The following LRRC4C variants were observed in gnomAD, a reference collection of about 807,000 sequenced individuals.
LRRC4C encodes leucine rich repeat containing 4C.
A neutral mutation model predicts 33.6 loss-of-function variants in LRRC4C; 5 were observed. The observed-to-expected ratio is 0.15, with a 90% CI of 0.08 to 0.31. The LOEUF (loss-of-function observed/expected upper bound fraction) is 0.31, where lower values mean the gene tolerates loss of function less well. LRRC4C is among the 10% of genes least tolerant of loss of function. LRRC4C has a pLI of 1.00. For synonymous variants in LRRC4C, 329 were observed against 302.0 expected, an observed-to-expected ratio of 1.09 and a Z score of -0.93; for missense variants, 560 against 796.7, an observed-to-expected ratio of 0.70 and a Z score of 3.58.
chr11:40,214,132 C>T (rs75969260), intron 5 of LRRC4C, among the ~76,000 whole-genome samples: 9,728 of 152,140 alleles, frequency 0.064, 1,017 homozygotes, highest in African/African-American at 0.22. Flanking sequence ...GCCATGTTAG[C>T]TTCTGATTAA....
chr11:40,458,117 T>C (rs944420276), intron 3 of LRRC4C, among the ~76,000 whole-genome samples: 17 of 152,182 alleles, frequency 1.1e-4, no homozygotes, highest in African/African-American at 4.1e-4. Context: ...TATTATCTTT[T>C]CACTGGAATG....
intron 1 of LRRC4C, among the ~76,000 whole-genome samples, chr11:41,000,362 T>C (rs1283278027): frequency 6.6e-6 from 1 of 152,168 alleles, no homozygotes; most frequent in African/African-American, 2.4e-5. Context: ...TTATCAATTC[T>C]CTAGGTAAGT....
chr11:41,299,147 A>T (rs1235082308), intron 1 of LRRC4C, among the ~76,000 whole-genome samples: 1 of 152,138 alleles, frequency 6.6e-6, no homozygotes, highest in Non-Finnish European at 1.5e-5. Context: ...TATATACCTA[A>T]TAGTGGGATT....
intron 1 of LRRC4C, among the ~76,000 whole-genome samples, chr11:41,173,138 A>C (rs1210089136): frequency 6.6e-6 from 1 of 152,158 alleles, no homozygotes; most frequent in East Asian, 1.9e-4. Context: ...ATTTATTACA[A>C]ATGATCCAGT....
intron 3 of LRRC4C, among the ~76,000 whole-genome samples, chr11:40,346,223 T>G (rs1947123466): frequency 6.6e-6 from 1 of 152,122 alleles, no homozygotes; most frequent in Admixed American, 6.6e-5. Flanking sequence ...GAATATAAAT[T>G]GTTCTGTTAC....
intron 1 of LRRC4C, among the ~76,000 whole-genome samples, chr11:41,432,436 C>G (rs1480265695): frequency 6.6e-6 from 1 of 152,032 alleles, no homozygotes; most frequent in African/African-American, 2.4e-5. Context: ...AGGATTAAAG[C>G]AATGCTTTCC....
chr11:40,222,135 T>C (rs1864465779), intron 5 of LRRC4C, among the ~76,000 whole-genome samples: 1 of 152,336 alleles, frequency 6.6e-6, no homozygotes, highest in East Asian at 1.9e-4. Flanking sequence ...AACTCCATTG[T>C]ATAGTAACAA....
intron 3 of LRRC4C, among the ~76,000 whole-genome samples, chr11:40,519,606 T>C (rs1028350833): frequency 6.6e-6 from 1 of 152,326 alleles, no homozygotes; most frequent in South Asian, 2.1e-4. Context: ...TTTTATCTTC[T>C]ATTTAGATGA....
chr11:41,197,384 C>T (rs1336470411), intron 1 of LRRC4C, among the ~76,000 whole-genome samples: 1 of 151,956 alleles, frequency 6.6e-6, no homozygotes, highest in Admixed American at 6.6e-5. Context: ...GGCTCTGCAA[C>T]CTGGCTGGTA....
intron 1 of LRRC4C, among the ~76,000 whole-genome samples, chr11:41,234,564 G>A (rs372803104): frequency 1.4e-4 from 22 of 151,982 alleles, no homozygotes; most frequent in African/African-American, 4.6e-4. Flanking sequence ...TAAAATAAAC[G>A]ATGAAAAGTA....
intron 4 of LRRC4C, among the ~76,000 whole-genome samples, chr11:40,318,914 G>A (rs1945708521): frequency 6.6e-6 from 1 of 152,108 alleles, no homozygotes; most frequent in African/African-American, 2.4e-5. Context: ...ATAGGAAGGT[G>A]GAAAAAATTT....
At chr11:40,558,688 G>A (rs991695570) in intron 3 of LRRC4C, among the ~76,000 whole-genome samples, 2 of 152,080 alleles carry the variant, frequency 1.3e-5, no homozygotes, top group African/African-American at 4.8e-5. Context: ...TAGCCTAAAC[G>A]GACATGATTT....
At chr11:40,959,961 G>A (rs570228454) in intron 1 of LRRC4C, among the ~76,000 whole-genome samples, 3 of 151,790 alleles carry the variant, frequency 2.0e-5, no homozygotes, top group Non-Finnish European at 4.4e-5. Context: ...TACAATGTTA[G>A]ATGATAGTAA....
At chr11:41,162,799 C>A (rs2136038967) in intron 1 of LRRC4C, among the ~76,000 whole-genome samples, 1 of 152,226 alleles carries the variant, frequency 6.6e-6, no homozygotes, top group Non-Finnish European at 1.5e-5. Context: ...AATGTGAAGG[C>A]CTGGAACATT....
chr11:40,873,966 A>G (rs1049835584), intron 2 of LRRC4C, among the ~76,000 whole-genome samples: 3 of 152,222 alleles, frequency 2.0e-5, no homozygotes, highest in Non-Finnish European at 2.9e-5. Context: ...ATTGACATAC[A>G]GAGTAGATAT....
At chr11:40,125,938 C>G (rs1856190565) in intron 6 of LRRC4C, among the ~76,000 whole-genome samples, 2 of 151,944 alleles carry the variant, frequency 1.3e-5, no homozygotes, top group African/African-American at 4.8e-5. Flanking sequence ...CTTTCTCCAC[C>G]CCTTATGCAG....
intron 3 of LRRC4C, among the ~76,000 whole-genome samples, chr11:40,427,653 C>T (rs918840401): frequency 6.6e-6 from 1 of 151,958 alleles, no homozygotes; most frequent in Non-Finnish European, 1.5e-5. Flanking sequence ...CATGGTGAAG[C>T]CCTGTCTCTA....
intron 1 of LRRC4C, among the ~76,000 whole-genome samples, chr11:41,406,489 G>C (rs958605189): frequency 1.2e-4 from 19 of 152,052 alleles, no homozygotes; most frequent in African/African-American, 4.6e-4. Context: ...AAGTGTTAAA[G>C]AGGAATAAGA....
At chr11:41,129,598 C>G (rs1457222591) in intron 1 of LRRC4C, among the ~76,000 whole-genome samples, 3 of 151,822 alleles carry the variant, frequency 2.0e-5, no homozygotes, top group African/African-American at 7.2e-5. Flanking sequence ...TTATCTGCCT[C>G]AATGGATTAT....
Sources: gnomAD v4.1 joint callset for allele counts (sites outside exome capture counted in the v4.1 genomes callset) on GRCh38, gnomAD v4.1.1 for gene constraint, MANE v1.5 for transcripts, NCBI Gene and HGNC (gene_info 2026-07-23, HGNC 2026-07-21) for gene names.